SMAD1: variants seen among roughly 807,000 people sequenced by gnomAD.
SMAD1 encodes the protein MAD, mothers against decapentaplegic homolog 1.
A neutral mutation model predicts 41.6 loss-of-function variants in SMAD1; 6 were observed. The ratio of observed to expected loss-of-function variants is 0.14; its 90% CI spans 0.08 to 0.28. The LOEUF is 0.28. Among genes scored for constraint, SMAD1 ranks in the 10% least tolerant of loss-of-function variants. The pLI is 1.00. For synonymous variants in SMAD1, 206 were observed against 203.2 expected, an observed-to-expected ratio of 1.01 and a Z score of -0.12; for missense variants, 379 against 582.6, an observed-to-expected ratio of 0.65 and a Z score of 3.60.
At chr4:145,540,161 A>C in intron 3 of SMAD1, 100 bp downstream of exon 3, 1 of 1,385,726 alleles carries the variant, frequency 7.2e-7, no homozygotes, top group South Asian at 1.3e-5. Context: ...GGAGGTTTTC[A>C]GCCCTGGTAT....
chr4:145,493,670 T>A (rs1728898204), intron 1 of SMAD1, among the ~76,000 whole-genome samples: 1 of 152,246 alleles, frequency 6.6e-6, no homozygotes, highest in Admixed American at 6.5e-5. Context: ...TAGAAAAGGC[T>A]CCTTTAAAAG....
At chr4:145,511,453 G>A (rs1730072511) in intron 1 of SMAD1, among the ~76,000 whole-genome samples, 2 of 152,014 alleles carry the variant, frequency 1.3e-5, no homozygotes, top group Non-Finnish European at 1.5e-5. Flanking sequence ...TTTACTTTTT[G>A]TAGAGATAGG....
At chr4:145,527,555 G>A (rs1040839712) in intron 2 of SMAD1, among the ~76,000 whole-genome samples, 1 of 152,066 alleles carries the variant, frequency 6.6e-6, no homozygotes, top group Non-Finnish European at 1.5e-5. Flanking sequence ...ACGACTGCCG[G>A]AAGATGGTAC....
chr4:145,488,086 A>G (rs1180420832), intron 1 of SMAD1, among the ~76,000 whole-genome samples: 2 of 151,940 alleles, frequency 1.3e-5, no homozygotes, highest in South Asian at 4.2e-4. Context: ...ATTTTCCCAA[A>G]TCTCTTTTAT....
At chr4:145,508,721 C>T (rs868291838) in intron 1 of SMAD1, among the ~76,000 whole-genome samples, 1 of 152,110 alleles carries the variant, frequency 6.6e-6, no homozygotes, top group Non-Finnish European at 1.5e-5. Flanking sequence ...TAACAAAATA[C>T]CATATAGACT....
At chr4:145,485,908 A>G (rs1728458336) in intron 1 of SMAD1, among the ~76,000 whole-genome samples, 1 of 152,242 alleles carries the variant, frequency 6.6e-6, no homozygotes, top group South Asian at 2.1e-4. Flanking sequence ...AGGTAAAGAA[A>G]CTGAGGACAG....
At chr4:145,519,392 A>C (rs1428854048) in intron 2 of SMAD1, among the ~76,000 whole-genome samples, 2 of 116,356 alleles carry the variant, frequency 1.7e-5, no homozygotes, top group African/African-American at 5.3e-5. Flanking sequence ...CACTGAGCCC[A>C]GCTGAACCTT....
chr4:145,553,821 C>G lies in SMAD1; in HGVS notation c.1035C>G (p.Ala345=). ...HLYYVGGEVY[A]ECLSDSSIFV... The stretch of plus-strand genomic sequence containing the variant: ...ATTATGTTGGAGGGGAGGTGTATGC[C>G]GAATGCCTTAGTGACAGTAGCATCT... Residue 345 remains alanine (A), a synonymous_variant, in exon 6 of 7, where the codon GCC becomes GCG. Coordinates refer to ENST00000302085, the MANE Select transcript of SMAD1 (RefSeq NM_005900.3). 4 of 1,613,548 alleles carry G rather than the reference C, an allele frequency of 2.5e-6. No homozygotes were observed. Among genetic ancestry groups the G allele is most frequent in the Non-Finnish European group, 3.4e-6 (4 of 1,179,556 alleles).
At chr4:145,552,693 T>C (rs964977864) in intron 5 of SMAD1, among the ~76,000 whole-genome samples, 7 of 152,194 alleles carry the variant, frequency 4.6e-5, no homozygotes, top group Non-Finnish European at 2.9e-5. Context: ...ACCTGTGGCT[T>C]TCCAGTTCCT....
At chr4:145,520,611 T>C (rs1438598227) in intron 2 of SMAD1, among the ~76,000 whole-genome samples, 3 of 152,216 alleles carry the variant, frequency 2.0e-5, no homozygotes, top group Non-Finnish European at 4.4e-5. Context: ...AGAAAATTGC[T>C]CTTTCCAGAG....
At chr4:145,542,747 C>T in intron 4 of SMAD1, 49 bp downstream of exon 4, 1 of 1,254,046 alleles carries the variant, frequency 8.0e-7, no homozygotes, top group Non-Finnish European at 1.1e-6. Context: ...AAAGTTTGTC[C>T]AGATGTTACT....
At chr4:145,484,561 C>G (rs1263660178) in intron 1 of SMAD1, 1 of 152,244 alleles carries the variant, frequency 6.6e-6, no homozygotes, top group Non-Finnish European at 1.5e-5. Flanking sequence ...AGTGGAAAGG[C>G]TGAGATGGCC....
chr4:145,558,079 CAA>C lies in SMAD1; in HGVS notation c.*159_*160del, dbSNP rs34142651. The C allele has an allele frequency of 3.7e-3, 1,061 of 285,082 alleles. No individual in the cohort carries two copies. The highest frequency in any genetic ancestry group is 8.3e-3 in the East Asian group (165 of 19,904). The allele number at this position is 285,082 out of a possible 1,614,324, so 17.7% of individuals were successfully genotyped here. ...CAACTGTTGGATTCAGAAATTTAAA[CAA>C]AAAAAAAAAAAAACACACACACCTT... On this transcript the variant is annotated 3_prime_UTR_variant, in exon 7 of 7. Transcript: ENST00000302085.
At chr4:145,550,996 C>T (rs1234003340) in intron 5 of SMAD1, among the ~76,000 whole-genome samples, 1 of 152,122 alleles carries the variant, frequency 6.6e-6, no homozygotes, top group Non-Finnish European at 1.5e-5. Flanking sequence ...TTTTCAGAAT[C>T]ACAATGTGAT....
chr4:145,493,607 T>C (rs1379740601), intron 1 of SMAD1, among the ~76,000 whole-genome samples: 1 of 152,250 alleles, frequency 6.6e-6, no homozygotes, highest in African/African-American at 2.4e-5. Flanking sequence ...ATTTATAGCA[T>C]ATATTTGCTG....
intron 2 of SMAD1, among the ~76,000 whole-genome samples, chr4:145,519,601 C>T (rs1446125623): frequency 6.7e-6 from 1 of 149,718 alleles, no homozygotes; most frequent in Non-Finnish European, 1.5e-5. Context: ...CTGTAGTGAG[C>T]TATCATCATG....
chr4:145,526,192 GAA>G (rs1372634376), intron 2 of SMAD1, among the ~76,000 whole-genome samples: 1 of 152,218 alleles, frequency 6.6e-6, no homozygotes, highest in Non-Finnish European at 1.5e-5. Context: ...TAAAGTAAAA[GAA>G]GAGTGATTTT....
intron 2 of SMAD1, among the ~76,000 whole-genome samples, chr4:145,537,703 T>C (rs1348410633): frequency 6.6e-6 from 1 of 152,168 alleles, no homozygotes; most frequent in Non-Finnish European, 1.5e-5. Context: ...GAGGAATACA[T>C]ATGCAGATTT....
intron 2 of SMAD1, among the ~76,000 whole-genome samples, chr4:145,527,066 GA>G (rs905207124): frequency 6.6e-6 from 1 of 152,044 alleles, no homozygotes; most frequent in African/African-American, 2.4e-5. Context: ...TCTTAGAATA[GA>G]AACAAAATTT....
Sources: gnomAD v4.1 joint callset for allele counts (sites outside exome capture counted in the v4.1 genomes callset) on GRCh38, gnomAD v4.1.1 for gene constraint, MANE v1.5 for transcripts, NCBI Gene and HGNC (gene_info 2026-07-23, HGNC 2026-07-21) for gene names.